MSI2: variants seen among roughly 807,000 people sequenced by gnomAD.
The protein encoded by MSI2 is musashi RNA binding protein 2.
In MSI2, 17 loss-of-function variants were observed where a neutral mutation model predicts 45.6. The observed-to-expected ratio is 0.37, with a 90% CI of 0.26 to 0.56. The LOEUF is 0.56. Ranked by LOEUF, MSI2 falls within the 20% of genes least tolerant of loss-of-function variation. The pLI is 0.77. For synonymous variants in MSI2, 156 were observed against 158.2 expected (o/e 0.99, Z 0.11); for missense variants, 293 against 444.2 (o/e 0.66, Z 3.06).
At chr17:57,639,568 G>A (rs1482659573) in intron 10 of MSI2, among the ~76,000 whole-genome samples, 1 of 152,252 alleles carries the variant, frequency 6.6e-6, no homozygotes, top group Non-Finnish European at 1.5e-5. Context: ...AGCCCCAGTG[G>A]GCTCTGGATG....
chr17:57,336,452 T>C (rs1472173427), intron 5 of MSI2, among the ~76,000 whole-genome samples: 3 of 152,200 alleles, frequency 2.0e-5, no homozygotes, highest in Non-Finnish European at 2.9e-5. Flanking sequence ...CTGCTTCTTT[T>C]TTCGGGGTAA....
chr17:57,323,018 G>T lies in MSI2; in HGVS notation c.312+60826G>T, dbSNP rs190944105. 7.2e-5 allele frequency among the ~76,000 whole-genome samples: 11 copies of T among 152,138 alleles called. No individual in the cohort carries two copies. In the South Asian group the frequency reaches 8.3e-4, roughly 12 times the overall value. ...ATATTGGGGCGGGGAGCATATTGGT[G>T]GGGGGAGAGGGACTGTGTTGGTCGT... On this transcript the variant is annotated intron_variant, in intron 5 of 13. Coordinates refer to ENST00000284073, the MANE Select transcript of MSI2 (RefSeq NM_138962.4).
Position 57,618,689 on chromosome 17 carries a change from G to A in MSI2, c.652+2605G>A, listed in dbSNP as rs182808248. On this transcript the variant is annotated intron_variant, in intron 9 of 13. Transcript: ENST00000284073. ...CTCCCGAGTAGCTGGGATTACAGGC[G>A]CGCGCCACCACACCCAGCTAATTTT... 1.6e-3 allele frequency among the ~76,000 whole-genome samples: 249 copies of A among 152,086 alleles called. 2 individuals are homozygous for A. Among genetic ancestry groups the A allele is most frequent in the African/African-American group, 5.4e-3 (223 of 41,492 alleles).
intron 5 of MSI2, among the ~76,000 whole-genome samples, chr17:57,346,848 C>A (rs1915659266): frequency 1.3e-5 from 2 of 152,186 alleles, no homozygotes. Context: ...CTCAAGCAAT[C>A]TGCCTGTCCC....
chr17:57,346,348 T>TGGG (rs61454049), intron 5 of MSI2, among the ~76,000 whole-genome samples: 1 of 128,342 alleles, frequency 7.8e-6, no homozygotes, highest in South Asian at 3.0e-4. Flanking sequence ...TAACACATTT[T>TGGG]GGGGGGGGGG....
chr17:57,478,647 C>T (rs894113628), intron 6 of MSI2, among the ~76,000 whole-genome samples: 4 of 152,134 alleles, frequency 2.6e-5, no homozygotes, highest in East Asian at 1.9e-4. Context: ...CGAAGGCCAC[C>T]GTGAGGTCTC....
intron 6 of MSI2, among the ~76,000 whole-genome samples, chr17:57,445,624 G>A (rs138110562): frequency 3.9e-5 from 6 of 152,100 alleles, no homozygotes; most frequent in South Asian, 2.1e-4. Flanking sequence ...GCATACAAAC[G>A]TCTGTAATTA....
At position 57,647,684 on chromosome 17, in the gene MSI2, G is replaced by A. The variant is rs182297710; in HGVS notation, c.728-4415G>A. On this transcript the variant is annotated intron_variant, in intron 10 of 13. Coordinates refer to ENST00000284073, the MANE Select transcript of MSI2 (RefSeq NM_138962.4). ...CTTCGAGACAGAGTCTCGCTCTGTCGCCCAGGCTGGAGTGCAGTGATGCGA... is the reference window on the plus strand; with the variant it reads ...CTTCGAGACAGAGTCTCGCTCTGTCACCCAGGCTGGAGTGCAGTGATGCGA... Among the ~76,000 whole-genome samples, 502 of 149,840 alleles carry A rather than the reference G, an allele frequency of 3.4e-3. 8 individuals carry two copies. The highest frequency in any genetic ancestry group is 0.012 in the African/African-American group (490 of 40,704).
At chr17:57,312,450 G>C (rs930805898) in intron 5 of MSI2, among the ~76,000 whole-genome samples, 2 of 152,184 alleles carry the variant, frequency 1.3e-5, no homozygotes, top group Non-Finnish European at 2.9e-5. Context: ...CTGGGGCCCG[G>C]GTTGGGATGC....
chr17:57,563,396 A>G (rs1450081074), intron 7 of MSI2, among the ~76,000 whole-genome samples: 1 of 151,946 alleles, frequency 6.6e-6, no homozygotes, highest in African/African-American at 2.4e-5. Flanking sequence ...GACCATTTAT[A>G]CTCACTCAGG....
intron 5 of MSI2, among the ~76,000 whole-genome samples, chr17:57,387,854 CTTAA>C (rs911026969): frequency 8.5e-5 from 13 of 152,142 alleles, no homozygotes; most frequent in African/African-American, 2.9e-4. Context: ...GGAAGAGGGA[CTTAA>C]TTGTGTGCCT....
intron 11 of MSI2, among the ~76,000 whole-genome samples, chr17:57,673,073 G>A (rs1167856561): frequency 2.6e-5 from 4 of 152,106 alleles, no homozygotes; most frequent in African/African-American, 4.8e-5. Flanking sequence ...CGGGCTTCCC[G>A]CCCCAAGGGC....
At chr17:57,413,807 C>T (rs1432721129) in intron 6 of MSI2, among the ~76,000 whole-genome samples, 3 of 151,962 alleles carry the variant, frequency 2.0e-5, no homozygotes, top group Admixed American at 6.5e-5. Context: ...AAAGAGGCTT[C>T]GATCTTGAAA....
At position 57,324,318 on chromosome 17, in the gene MSI2, C is replaced by T. The variant is rs73995312; in HGVS notation, c.312+62126C>T. On this transcript the variant is annotated intron_variant, in intron 5 of 13. Coordinates refer to ENST00000284073, the MANE Select transcript of MSI2 (RefSeq NM_138962.4). The stretch of plus-strand genomic sequence containing the variant: ...GAGTGCCTGACCCAAGGAGGGGTAC[C>T]GCATGAGGTGGCTGCACAGACAGGA... 6.8e-3 allele frequency among the ~76,000 whole-genome samples: 1,035 copies of T among 152,272 alleles called. 13 individuals are homozygous for T. Among genetic ancestry groups the T allele is most frequent in the African/African-American group, 0.024 (997 of 41,566 alleles).
chr17:57,539,974 C>G (rs931872219), intron 7 of MSI2, among the ~76,000 whole-genome samples: 11 of 152,198 alleles, frequency 7.2e-5, no homozygotes, highest in African/African-American at 2.7e-4. Context: ...GGAGTCAAGG[C>G]AACACCCGGT....
intron 5 of MSI2, among the ~76,000 whole-genome samples, chr17:57,399,499 G>T (rs571797190): frequency 6.6e-6 from 1 of 151,964 alleles, no homozygotes; most frequent in South Asian, 2.1e-4. Context: ...GAGCTCCCTG[G>T]AGTCTACGAG....
intron 5 of MSI2, among the ~76,000 whole-genome samples, chr17:57,308,805 G>A (rs992266486): frequency 4.6e-5 from 7 of 152,106 alleles, no homozygotes; most frequent in Admixed American, 2.0e-4. Flanking sequence ...CCACTTCCAC[G>A]TTGTCCTTGA....
the MSI2 span, among the ~76,000 whole-genome samples, chr17:57,695,721 T>C: frequency 6.6e-6 from 1 of 152,230 alleles, no homozygotes; most frequent in Non-Finnish European, 1.5e-5. Flanking sequence ...TAGTCTGCTG[T>C]GGTTGCCATA....
At chr17:57,265,181 A>G (rs1219910539) in intron 5 of MSI2, 4 of 152,236 alleles carry the variant, frequency 2.6e-5, no homozygotes, top group Non-Finnish European at 5.9e-5. Flanking sequence ...ACCCAGGAGC[A>G]TAGAACTTTA....
Sources: gnomAD v4.1 joint callset for allele counts (sites outside exome capture counted in the v4.1 genomes callset) on GRCh38, gnomAD v4.1.1 for gene constraint, MANE v1.5 for transcripts, NCBI Gene and HGNC (gene_info 2026-07-23, HGNC 2026-07-21) for gene names.